The following KAZN variants were observed in gnomAD, a reference collection of about 807,000 sequenced individuals.
KAZN encodes kazrin.
In KAZN, 40 loss-of-function variants were observed where a neutral mutation model predicts 87.4. That is an observed-to-expected ratio of 0.46 (90% confidence interval 0.36 to 0.60). KAZN has a LOEUF of 0.60. KAZN is among the 20% of genes least tolerant of loss of function. The pLI, the probability that KAZN is intolerant of heterozygous loss-of-function variation, is 0.00. For synonymous variants in KAZN, 466 were observed against 458.3 expected (o/e 1.02, Z -0.22); for missense variants, 898 against 1,073.9 (o/e 0.84, Z 2.29).
intron 2 of KAZN, among the ~76,000 whole-genome samples, chr1:14,203,215 A>G (rs1307538879): frequency 6.6e-6 from 1 of 152,130 alleles, no homozygotes; most frequent in Non-Finnish European, 1.5e-5. Context: ...TAATGCATCA[A>G]ATAGATTTTG....
intron 1 of KAZN, among the ~76,000 whole-genome samples, chr1:14,883,793 A>G (rs1383611259): frequency 6.6e-6 from 1 of 152,180 alleles, no homozygotes; most frequent in African/African-American, 2.4e-5. Context: ...TGAAACTTGC[A>G]TGCCACTTAT....
chr1:15,112,492 G>A lies in KAZN; in HGVS notation c.2114G>A (p.Arg705Gln), dbSNP rs546437750. The A allele has an allele frequency of 5.0e-6, 8 of 1,609,288 alleles. No individual in the cohort carries two copies. The highest frequency in any genetic ancestry group is 3.4e-5 in the Admixed American group (2 of 59,370). The change falls in exon 14 of 15, where the codon CGG becomes CAG. Residue 705 changes from arginine to glutamine, a missense_variant. Physicochemically the swap from Arg to Gln is conservative, Grantham distance 43 (BLOSUM62 1). Around this residue, in one of 3 missense-constraint regions of KAZN, gnomAD observed 127 missense variants for 121.5 expected, o/e 1.04. Coordinates refer to ENST00000376030, the MANE Select transcript of KAZN (RefSeq NM_201628.3). ...CCTGGCAGGGCCTCCAGCGTCACGCGGGCAGGAAAGGAGGAGAACAGCAGC... is the reference window on the plus strand; with the variant it reads ...CCTGGCAGGGCCTCCAGCGTCACGCAGGCAGGAAAGGAGGAGAACAGCAGC... ...TPPGRASSVT[R>Q]AGKEENSSGL... is the part of the protein sequence containing the mutation.
At chr1:15,044,502 A>C (rs1005803223) in intron 4 of KAZN, among the ~76,000 whole-genome samples, 2 of 152,148 alleles carry the variant, frequency 1.3e-5, no homozygotes, top group Non-Finnish European at 2.9e-5. Context: ...TAATCCCAGC[A>C]GTTTAGGAGA....
chr1:15,101,164 T>TCTCTCTCTCTCTCTCTCTCTCTCTCTCTC (rs1553190085), intron 10 of KAZN, among the ~76,000 whole-genome samples: 4 of 127,838 alleles, frequency 3.1e-5, no homozygotes, highest in Non-Finnish European at 3.4e-5. Context: ...GTCTCGGTCT[T>TCTCTCTCTCTCTCTCTCTCTCTCTCTCTC]TCTCTCTCTC....
chr1:14,484,409 G>A (rs1412617155), intron 2 of KAZN, among the ~76,000 whole-genome samples: 1 of 152,162 alleles, frequency 6.6e-6, no homozygotes, highest in Non-Finnish European at 1.5e-5. Context: ...AATTTAGCCA[G>A]TCCACAATAT....
intron 2 of KAZN, among the ~76,000 whole-genome samples, chr1:14,436,734 A>AAAAAAAAAAAAAAAAAAAAACAAAAAC (rs563539375): frequency 7.3e-6 from 1 of 137,368 alleles, no homozygotes; most frequent in Admixed American, 7.4e-5. Context: ...AAAAAAAAAA[A>AAAAAAAAAAAAAAAAAAAAACAAAAAC]AAAACCTTAA....
chr1:15,013,246 C>A (rs1407498532), intron 2 of KAZN, among the ~76,000 whole-genome samples: 2 of 152,172 alleles, frequency 1.3e-5, no homozygotes, highest in Admixed American at 6.5e-5. Flanking sequence ...GTATGCCAGA[C>A]CCTCATTTTA....
At chr1:14,419,080 T>G (rs1205051189) in intron 2 of KAZN, among the ~76,000 whole-genome samples, 1 of 152,244 alleles carries the variant, frequency 6.6e-6, no homozygotes, top group African/African-American at 2.4e-5. Flanking sequence ...TGAGCCGTAT[T>G]GAGCATTTTC....
At chr1:14,166,957 C>T (rs981676644) in intron 1 of KAZN, among the ~76,000 whole-genome samples, 1 of 152,136 alleles carries the variant, frequency 6.6e-6, no homozygotes, top group East Asian at 1.9e-4. Flanking sequence ...TGCAAATATC[C>T]CCTAACTCTG....
intron 2 of KAZN, among the ~76,000 whole-genome samples, chr1:15,019,053 G>C (rs1670405852): frequency 6.6e-6 from 1 of 152,194 alleles, no homozygotes. Flanking sequence ...GTGAGTCCCA[G>C]CCAGACTGAG....
intron 1 of KAZN, among the ~76,000 whole-genome samples, chr1:14,173,530 G>A (rs1018973472): frequency 1.3e-5 from 2 of 152,146 alleles, no homozygotes; most frequent in Non-Finnish European, 2.9e-5. Flanking sequence ...AGGCCACACA[G>A]CCAAGCAGAT....
intron 1 of KAZN, among the ~76,000 whole-genome samples, chr1:14,777,679 CCT>C (rs1483185537): frequency 6.6e-6 from 1 of 152,192 alleles, no homozygotes; most frequent in Non-Finnish European, 1.5e-5. Context: ...CGTCACTCTG[CCT>C]CCTCATTGTC....
At chr1:14,419,385 G>T (rs569209713) in intron 2 of KAZN, among the ~76,000 whole-genome samples, 13 of 152,234 alleles carry the variant, frequency 8.5e-5, no homozygotes, top group Admixed American at 3.3e-4. Context: ...CATTGCCTGG[G>T]AAGCCACCAT....
At chr1:14,218,841 G>T (rs1227475414) in intron 2 of KAZN, among the ~76,000 whole-genome samples, 1 of 152,010 alleles carries the variant, frequency 6.6e-6, no homozygotes, top group East Asian at 1.9e-4. Context: ...ACTAAATGAA[G>T]AATGATTAAA....
chr1:14,829,146 G>A (rs1428958222), intron 1 of KAZN, among the ~76,000 whole-genome samples: 1 of 152,192 alleles, frequency 6.6e-6, no homozygotes, highest in Admixed American at 6.5e-5. Context: ...AAATTGAGTA[G>A]ACAGCTAATA....
intron 1 of KAZN, among the ~76,000 whole-genome samples, chr1:14,650,989 T>A (rs932016609): frequency 3.3e-5 from 5 of 152,188 alleles, no homozygotes; most frequent in African/African-American, 1.2e-4. Flanking sequence ...AGAACCTACC[T>A]CCGCAGTGAC....
chr1:14,733,970 T>C (rs995942146), intron 1 of KAZN, among the ~76,000 whole-genome samples: 1 of 152,208 alleles, frequency 6.6e-6, no homozygotes, highest in African/African-American at 2.4e-5. Flanking sequence ...GCTCCTGCCC[T>C]GGCTTCGGCC....
At position 14,921,466 on chromosome 1, in the gene KAZN, TAG is replaced by T. The variant is rs562238542; in HGVS notation, c.227-39216_227-39215del. ...TAAAGAGTTGCTAATGTTTCAAATT[TAG>T]ATTTCATGTAAAAATCCATATTCCT... On this transcript the variant is annotated intron_variant, in intron 1 of 14. Coordinates refer to ENST00000376030, the MANE Select transcript of KAZN (RefSeq NM_201628.3). Among the ~76,000 whole-genome samples the T allele has an allele frequency of 3.9e-3, 588 of 152,328 alleles. 3 individuals are homozygous for T. The highest frequency in any genetic ancestry group is 0.013 in the African/African-American group (556 of 41,578).
chr1:14,513,404 G>A (rs1303564705), intron 2 of KAZN, among the ~76,000 whole-genome samples: 1 of 152,142 alleles, frequency 6.6e-6, no homozygotes, highest in Non-Finnish European at 1.5e-5. Flanking sequence ...TCACTGGGTG[G>A]CTGGGAATAG....
Sources: allele counts gnomAD v4.1 joint callset (sites outside exome capture counted in the v4.1 genomes callset), GRCh38; gene constraint gnomAD v4.1.1; regional missense constraint gnomAD v4.1.1; transcripts MANE v1.5; gene names NCBI Gene and HGNC (gene_info 2026-07-23, HGNC 2026-07-21).